Variants in SP140L observed in about 807,000 individuals in gnomAD.
SP140L encodes the protein nuclear body protein SP140-like protein.
In SP140L, 64 loss-of-function variants were observed where a neutral mutation model predicts 84.3. The ratio of observed to expected loss-of-function variants is 0.76; its 90% CI spans 0.62 to 0.94. The LOEUF (loss-of-function observed/expected upper bound fraction) is 0.94, where lower values mean the gene tolerates loss of function less well. Among genes scored for constraint, SP140L ranks in the 40% least tolerant of loss-of-function variants. The pLI is 0.00. For synonymous variants in SP140L, 242 were observed against 236.9 expected (o/e 1.02, Z -0.20); for missense variants, 628 against 692.5 (o/e 0.91, Z 1.05).
intron 2 of SP140L, among the ~76,000 whole-genome samples, chr2:230,340,173 T>G (rs1317928421): frequency 1.3e-5 from 2 of 151,814 alleles, no homozygotes; most frequent in Admixed American, 1.3e-4. Context: ...ATCTTGGTAC[T>G]CCTGTATTGA....
At chr2:230,350,366 T>C (rs2060328853) in intron 2 of SP140L, among the ~76,000 whole-genome samples, 1 of 152,264 alleles carries the variant, frequency 6.6e-6, no homozygotes, top group South Asian at 2.1e-4. Flanking sequence ...ACAGTGTACA[T>C]TTATGATAAT....
chr2:230,400,349 G>A, intron 15 of SP140L, 107 bp downstream of exon 15: 3 of 1,125,786 alleles, frequency 2.7e-6, no homozygotes, highest in Non-Finnish European at 3.9e-6. Context: ...GAAGGAGCAG[G>A]TTCATCGGGT....
intron 10 of SP140L, among the ~76,000 whole-genome samples, chr2:230,389,359 G>C (rs895266644): frequency 6.6e-6 from 1 of 152,112 alleles, no homozygotes; most frequent in African/African-American, 2.4e-5. Context: ...ACAATTTTCA[G>C]ATTATTCTAG....
intron 2 of SP140L, among the ~76,000 whole-genome samples, chr2:230,336,493 G>A (rs981552883): frequency 6.6e-6 from 1 of 152,182 alleles, no homozygotes; most frequent in Non-Finnish European, 1.5e-5. Flanking sequence ...AATCTATGAG[G>A]AGGAAACAAG....
At chr2:230,331,759 A>C (rs974362840) in intron 2 of SP140L, among the ~76,000 whole-genome samples, 1 of 152,004 alleles carries the variant, frequency 6.6e-6, no homozygotes, top group Admixed American at 6.6e-5. Context: ...TTTTCTAGTT[A>C]TTTCTTTCTG....
chr2:230,400,285 C>T, intron 15 of SP140L, 43 bp downstream of exon 15: 3 of 1,584,830 alleles, frequency 1.9e-6, no homozygotes, highest in Non-Finnish European at 2.6e-6. Context: ...TTTAAGGGAC[C>T]TTCCACCTGC....
intron 9 of SP140L, among the ~76,000 whole-genome samples, chr2:230,387,924 G>T (rs1307630687): frequency 6.6e-6 from 1 of 152,002 alleles, no homozygotes; most frequent in Non-Finnish European, 1.5e-5. Flanking sequence ...CGAAGCCCTG[G>T]TCACATTTAC....
intron 16 of SP140L, 106 bp downstream of exon 16, chr2:230,401,169 G>A (rs1432770026): frequency 1.1e-5 from 7 of 645,266 alleles, no homozygotes; most frequent in East Asian, 2.8e-5. Flanking sequence ...GCTCTTCCGC[G>A]CCACACTTCA....
Position 230,401,400 on chromosome 2 carries a change from G to A in SP140L, c.1457G>A (p.Cys486Tyr), listed in dbSNP as rs1279909962. ...CEFLLLKVYC[C>Y]SESSFFAKIP... ...TTCCTCCTCTTGAAAGTCTATTGCT[G>A]TTCTGAGAGCTCCTTTTTTGCCAAG... Residue 486 changes from cysteine to tyrosine, a missense_variant, in exon 17 of 19, where the codon TGT (cysteine) becomes TAT (tyrosine). By Grantham distance (194) the Cys-to-Tyr change is radical. Coordinates refer to ENST00000415673, the MANE Select transcript of SP140L (RefSeq NM_138402.6). 2.5e-6 allele frequency: 4 copies of A among 1,582,064 alleles called. No individual in the cohort carries two copies. The highest frequency in any genetic ancestry group is 3.4e-6 in the Non-Finnish European group (4 of 1,166,246).
chr2:230,328,730 A>G (rs772846039), intron 1 of SP140L, 27 bp from the exon 2 acceptor site: 4 of 1,609,130 alleles, frequency 2.5e-6, no homozygotes, highest in South Asian at 1.1e-5. Context: ...TTACTTGTTT[A>G]TAGATCCTGC....
chr2:230,375,457 G>A lies in SP140L; in HGVS notation c.637+3806G>A, dbSNP rs56401027. 3.7e-3 allele frequency among the ~76,000 whole-genome samples: 561 copies of A among 151,932 alleles called. 4 individuals carry two copies. The highest frequency in any genetic ancestry group is 6.1e-3 in the Non-Finnish European group (417 of 67,908). ...GCATGTTTTTCTATTTTTAATTTTT[G>A]GAGAAACCTCCATACTCTTTTCTGT... On this transcript the variant is annotated intron_variant, in intron 7 of 18. Transcript: ENST00000415673.
At chr2:230,342,304 G>C (rs1338744188) in intron 2 of SP140L, 3 of 154,688 alleles carry the variant, frequency 1.9e-5, no homozygotes, top group African/African-American at 7.2e-5. Context: ...GGAACTCCCT[G>C]ACCCCTTGCG....
intron 5 of SP140L, among the ~76,000 whole-genome samples, chr2:230,364,947 AT>A (rs754702791): frequency 3.3e-5 from 5 of 152,006 alleles, no homozygotes; most frequent in Non-Finnish European, 4.4e-5. Context: ...ACCTTTTAAG[AT>A]TTGTGTGTTG....
chr2:230,396,723 A>G (rs776656488), intron 13 of SP140L, 34 bp from the exon 14 acceptor site: 8 of 1,609,178 alleles, frequency 5.0e-6, no homozygotes, highest in South Asian at 4.4e-5. Context: ...AATGCATTCA[A>G]TATCATAAAT....
chr2:230,398,652 C>A (rs1385051769), intron 14 of SP140L, among the ~76,000 whole-genome samples: 1 of 152,200 alleles, frequency 6.6e-6, no homozygotes, highest in Non-Finnish European at 1.5e-5. Context: ...CACTGGGGAA[C>A]CTGAAAATCC....
chr2:230,351,559 T>G (rs987044029), intron 2 of SP140L, among the ~76,000 whole-genome samples: 129 of 152,358 alleles, frequency 8.5e-4, no homozygotes, highest in African/African-American at 3.0e-3. Flanking sequence ...AACATTTAAA[T>G]CGATTAAGAG....
intron 2 of SP140L, among the ~76,000 whole-genome samples, chr2:230,354,847 AG>A (rs369873763): frequency 1.6e-4 from 12 of 74,248 alleles, no homozygotes; most frequent in African/African-American, 5.4e-4. Flanking sequence ...AAAGAAAGAA[AG>A]GAAAGAAAGA....
chr2:230,380,962 C>T (rs983997206), intron 7 of SP140L, among the ~76,000 whole-genome samples: 1 of 151,702 alleles, frequency 6.6e-6, no homozygotes, highest in Non-Finnish European at 1.5e-5. Context: ...CCTGTTTTTT[C>T]ATATCTCTTA....
At chr2:230,388,181 ATG>A (rs1293145765) in intron 9 of SP140L, among the ~76,000 whole-genome samples, 1 of 152,168 alleles carries the variant, frequency 6.6e-6, no homozygotes, top group Admixed American at 6.5e-5. Flanking sequence ...AAATTAGTGG[ATG>A]TGTGTTTAAC....
Sources: allele counts gnomAD v4.1 joint callset (sites outside exome capture counted in the v4.1 genomes callset), GRCh38; gene constraint gnomAD v4.1.1; transcripts MANE v1.5; gene names NCBI Gene and HGNC (gene_info 2026-07-23, HGNC 2026-07-21).